The following CYRIB variants were observed in gnomAD, a reference collection of about 807,000 sequenced individuals.
The protein encoded by CYRIB is CYFIP related Rac1 interactor B.
A neutral mutation model predicts 44.2 loss-of-function variants in CYRIB; 8 were observed. The observed-to-expected ratio is 0.18, with a 90% CI of 0.11 to 0.33. The LOEUF (loss-of-function observed/expected upper bound fraction) is 0.33. Among genes scored for constraint, CYRIB ranks in the 10% least tolerant of loss-of-function variants. The pLI, the probability that CYRIB is intolerant of heterozygous loss-of-function variation, is 1.00. For synonymous variants in CYRIB, 131 were observed against 127.2 expected (o/e 1.03, Z -0.20); for missense variants, 185 against 382.8 (o/e 0.48, Z 4.31).
chr8:129,989,433 A>G (rs923579395), intron 1 of CYRIB, among the ~76,000 whole-genome samples: 8 of 152,104 alleles, frequency 5.3e-5, no homozygotes, highest in Non-Finnish European at 1.0e-4. Flanking sequence ...AAATTAAGTT[A>G]CTCCTCAGAC....
intron 2 of CYRIB, among the ~76,000 whole-genome samples, chr8:129,892,476 AT>A (rs879669611): frequency 3.9e-4 from 57 of 147,712 alleles, no homozygotes; most frequent in East Asian, 9.8e-4. Context: ...AATTGTCAGA[AT>A]TTTTTTTTTT....
chr8:130,001,743 G>C (rs921008941), intron 1 of CYRIB, among the ~76,000 whole-genome samples: 1 of 151,952 alleles, frequency 6.6e-6, no homozygotes, highest in Non-Finnish European at 1.5e-5. Context: ...ACTTCCAAAA[G>C]TGTTGGGATT....
chr8:129,945,742 T>G (rs1326972524), intron 2 of CYRIB, among the ~76,000 whole-genome samples: 11 of 152,082 alleles, frequency 7.2e-5, no homozygotes, highest in Admixed American at 3.9e-4. Context: ...CTGGCTAATT[T>G]TTGCATTTTT....
At chr8:129,943,752 T>C (rs1329493356), upstream of CYRIB, among the ~76,000 whole-genome samples, 16 of 150,182 alleles carry the variant, frequency 1.1e-4, no homozygotes, top group African/African-American at 2.4e-5. Context: ...GCGCCCACCA[T>C]CACGCCCGGC....
intron 2 of CYRIB, among the ~76,000 whole-genome samples, chr8:129,959,951 C>T (rs1449746034): frequency 6.6e-6 from 1 of 152,164 alleles, no homozygotes; most frequent in African/African-American, 2.4e-5. Flanking sequence ...GAGAAGAGCC[C>T]ACAGACAGAA....
intron 4 of CYRIB, among the ~76,000 whole-genome samples, chr8:129,865,752 C>T (rs899199534): frequency 7.9e-5 from 12 of 152,078 alleles, no homozygotes; most frequent in African/African-American, 2.9e-4. Flanking sequence ...TTTACACTGG[C>T]GTATTGTGAA....
intron 3 of CYRIB, among the ~76,000 whole-genome samples, chr8:129,877,932 A>G: frequency 6.6e-6 from 1 of 152,118 alleles, no homozygotes; most frequent in East Asian, 1.9e-4. Context: ...ACACAAGACC[A>G]AGTTTGAAAC....
intron 1 of CYRIB, among the ~76,000 whole-genome samples, chr8:129,987,191 A>G (rs1159681280): frequency 6.6e-6 from 1 of 152,248 alleles, no homozygotes; most frequent in Admixed American, 6.5e-5. Context: ...GCCACGACAC[A>G]GGAGACAAAA....
At chr8:129,899,237 C>T (rs2070111147) in intron 2 of CYRIB, among the ~76,000 whole-genome samples, 1 of 151,970 alleles carries the variant, frequency 6.6e-6, no homozygotes, top group Admixed American at 6.6e-5. Context: ...GAAAGAGATC[C>T]CCCTCAGTAA....
intron 6 of CYRIB, 166 bp downstream of exon 8, chr8:129,855,445 G>T: frequency 8.1e-6 from 5 of 614,908 alleles, no homozygotes; most frequent in East Asian, 3.0e-5. Flanking sequence ...TCTTTGCCAT[G>T]TATCAAAAGA....
intron 1 of CYRIB, among the ~76,000 whole-genome samples, chr8:130,012,866 A>G (rs2097257864): frequency 6.6e-6 from 1 of 152,218 alleles, no homozygotes; most frequent in Non-Finnish European, 1.5e-5. Context: ...AAGACTATCA[A>G]AGACTTAATT....
At chr8:129,916,649 C>A (rs1298948732) in intron 1 of CYRIB, among the ~76,000 whole-genome samples, 9 of 152,188 alleles carry the variant, frequency 5.9e-5, no homozygotes, top group Admixed American at 5.2e-4. Flanking sequence ...TAAAGCTATT[C>A]CTGCTTTCAA....
rs114598789 is a variant in CYRIB, at chr8:129,872,373, C to G, written c.74-877G>C. Reference sequence around the variant, plus strand: ...GACACAAACATATGGGCATTTTCACCACCTGTGGTGTTAGCCACAAAACAT... The same window carrying G: ...GACACAAACATATGGGCATTTTCACGACCTGTGGTGTTAGCCACAAAACAT... On this transcript the variant is annotated intron_variant, in intron 3 of 11. Coordinates refer to ENST00000519824, the Ensembl canonical transcript of CYRIB. Among the ~76,000 whole-genome samples, 560 of 152,200 alleles carry G rather than the reference C, an allele frequency of 3.7e-3. 1 individual carries two copies. Among genetic ancestry groups the G allele is most frequent in the African/African-American group, 0.013 (539 of 41,558 alleles).
At chr8:129,923,573 C>T (rs1017719180) in intron 1 of CYRIB, among the ~76,000 whole-genome samples, 5 of 152,094 alleles carry the variant, frequency 3.3e-5, no homozygotes, top group Non-Finnish European at 7.3e-5. Flanking sequence ...CTGCACCCGG[C>T]CAAGTCAACC....
intron 2 of CYRIB, chr8:129,947,905 T>C (rs2131185898): frequency 6.6e-6 from 1 of 152,308 alleles, no homozygotes; most frequent in East Asian, 1.9e-4. Flanking sequence ...AGCTCAACCA[T>C]GAAGTGTTGA....
chr8:129,932,950 C>T (rs2091941688), intron 1 of CYRIB, among the ~76,000 whole-genome samples: 1 of 152,076 alleles, frequency 6.6e-6, no homozygotes, highest in African/African-American at 2.4e-5. Flanking sequence ...CTGAAATTAG[C>T]CACCCAAATG....
chr8:129,859,586 T>C (rs2048230974), intron 5 of CYRIB, among the ~76,000 whole-genome samples: 1 of 152,168 alleles, frequency 6.6e-6, no homozygotes, highest in South Asian at 2.1e-4. Context: ...GACGCTGGTG[T>C]CACCGCTAGA....
chr8:129,949,548 C>A (rs1025048142), intron 2 of CYRIB, among the ~76,000 whole-genome samples: 6 of 152,082 alleles, frequency 3.9e-5, no homozygotes, highest in African/African-American at 1.4e-4. Flanking sequence ...TTAACTAAAT[C>A]CCTCAGTGAC....
At chr8:129,856,497 G>A (rs1390062191) in intron 5 of CYRIB, among the ~76,000 whole-genome samples, 1 of 152,084 alleles carries the variant, frequency 6.6e-6, no homozygotes, top group Non-Finnish European at 1.5e-5. Flanking sequence ...AATGAATTCA[G>A]TTACAGATCA....
Sources: allele counts gnomAD v4.1 joint callset (sites outside exome capture counted in the v4.1 genomes callset), GRCh38; gene constraint gnomAD v4.1.1; transcripts MANE v1.5; gene names NCBI Gene and HGNC (gene_info 2026-07-23, HGNC 2026-07-21).